The following NRXN3 variants were observed in gnomAD, a reference collection of about 807,000 sequenced individuals.
The protein encoded by NRXN3 is neurexin III.
In NRXN3, 32 loss-of-function variants were observed where a neutral mutation model predicts 137.6. That is an observed-to-expected ratio of 0.23 (90% confidence interval 0.18 to 0.31). The LOEUF (loss-of-function observed/expected upper bound fraction) is 0.31, where lower values mean the gene tolerates loss of function less well. NRXN3 is among the 10% of genes least tolerant of loss of function. The pLI is 1.00. For synonymous variants in NRXN3, 798 were observed against 784.5 expected, an observed-to-expected ratio of 1.02 and a Z score of -0.29; for missense variants, 1,574 against 2,062.5, an observed-to-expected ratio of 0.76 and a Z score of 4.59.
chr14:78,523,806 G>A (rs1482939981), intron 4 of NRXN3, among the ~76,000 whole-genome samples: 2 of 79,956 alleles, frequency 2.5e-5, no homozygotes, highest in Admixed American at 1.4e-4. Flanking sequence ...GACAGAGCAA[G>A]ACTCTGTCTC....
chr14:79,504,559 T>A (rs1329255122), intron 16 of NRXN3, among the ~76,000 whole-genome samples: 1 of 150,114 alleles, frequency 6.7e-6, no homozygotes, highest in Non-Finnish European at 1.5e-5. Context: ...CTGTAATATT[T>A]TAGCCCTGAT....
chr14:78,609,061 G>C (rs2097277082), intron 4 of NRXN3, among the ~76,000 whole-genome samples: 1 of 152,068 alleles, frequency 6.6e-6, no homozygotes, highest in South Asian at 2.1e-4. Context: ...TAGGATTCAG[G>C]GCACAGCTGG....
rs2076851404 is a variant in NRXN3 at position 79,257,472 on chromosome 14, A to ATGG, written c.3263-209743_3263-209741dup. On this transcript the variant is annotated intron_variant, in intron 15 of 20. Transcript: ENST00000335750. ...GATGGTGGTGGTGGTGGTGGTGGTG[A>ATGG]TGGTGGTGATGGTGGTGATGGTGGT... Among the ~76,000 whole-genome samples, 14 of 11,734 alleles carry ATGG rather than the reference A, an allele frequency of 1.2e-3. 3 individuals carry two copies. Among genetic ancestry groups the ATGG allele is most frequent in the Non-Finnish European group, 1.8e-3 (12 of 6,804 alleles). 7.7% of individuals were successfully genotyped at this position (11,734 alleles called of 152,430 possible).
intron 4 of NRXN3, among the ~76,000 whole-genome samples, chr14:78,516,166 T>G (rs917039716): frequency 6.6e-6 from 1 of 151,804 alleles, no homozygotes; most frequent in Non-Finnish European, 1.5e-5. Context: ...GGCTTCCAGA[T>G]AAAAGTGAGA....
At chr14:79,048,621 GTCTTT>G (rs1193455050) in intron 15 of NRXN3, among the ~76,000 whole-genome samples, 1 of 48,534 alleles carries the variant, frequency 2.1e-5, no homozygotes, top group Non-Finnish European at 4.7e-5. Context: ...GCTTCAGTGA[GTCTTT>G]TTTTTTTTTT....
At chr14:79,635,757 A>G (rs1478242573) in intron 16 of NRXN3, among the ~76,000 whole-genome samples, 1 of 152,184 alleles carries the variant, frequency 6.6e-6, no homozygotes, top group Admixed American at 6.5e-5. Context: ...TTCATAAAGG[A>G]AAGAGGTTTC....
At chr14:78,343,146 A>G (rs1298573721) in intron 4 of NRXN3, among the ~76,000 whole-genome samples, 1 of 152,190 alleles carries the variant, frequency 6.6e-6, no homozygotes, top group African/African-American at 2.4e-5. Flanking sequence ...GAGAACCATG[A>G]GTATAATGAA....
At chr14:78,956,182 ATAT>A (rs2099396495) in intron 10 of NRXN3, among the ~76,000 whole-genome samples, 1 of 152,178 alleles carries the variant, frequency 6.6e-6, no homozygotes, top group Admixed American at 6.5e-5. Context: ...TAATCCAAAA[ATAT>A]TTAATCAGCG....
At chr14:79,474,637 T>C (rs1275379797) in intron 16 of NRXN3, among the ~76,000 whole-genome samples, 1 of 152,090 alleles carries the variant, frequency 6.6e-6, no homozygotes, top group Non-Finnish European at 1.5e-5. Flanking sequence ...TGTGTCTCTA[T>C]CCCTGTTACA....
At chr14:78,253,155 G>C (rs891432055) in intron 2 of NRXN3, among the ~76,000 whole-genome samples, 2 of 152,224 alleles carry the variant, frequency 1.3e-5, no homozygotes, top group Non-Finnish European at 2.9e-5. Context: ...CTGGAGTTTA[G>C]GCAGAGGTGT....
chr14:79,247,378 G>A (rs913848717), intron 15 of NRXN3: 1 of 152,102 alleles, frequency 6.6e-6, no homozygotes, highest in South Asian at 2.1e-4. Context: ...GTGAAAATTA[G>A]CAAAATATGC....
At chr14:79,657,949 C>T (rs1211263895) in intron 16 of NRXN3, among the ~76,000 whole-genome samples, 1 of 152,138 alleles carries the variant, frequency 6.6e-6, no homozygotes, top group African/African-American at 2.4e-5. Context: ...ACCACACATT[C>T]TAATTCATCA....
chr14:78,701,873 G>A (rs900578005), intron 6 of NRXN3, among the ~76,000 whole-genome samples: 2 of 152,142 alleles, frequency 1.3e-5, no homozygotes, highest in African/African-American at 4.8e-5. Flanking sequence ...TAGTGTTTTT[G>A]TCTTTGGCAG....
At chr14:79,294,462 G>A (rs556590899) in intron 15 of NRXN3, among the ~76,000 whole-genome samples, 3 of 152,116 alleles carry the variant, frequency 2.0e-5, no homozygotes, top group Admixed American at 6.5e-5. Flanking sequence ...GAAAATTCAC[G>A]GTAATTATTT....
intron 19 of NRXN3, among the ~76,000 whole-genome samples, chr14:79,757,768 G>A (rs1266262917): frequency 1.3e-5 from 2 of 151,998 alleles, no homozygotes; most frequent in Non-Finnish European, 2.9e-5. Context: ...GTGAGATGAA[G>A]GATTAAAATC....
Position 78,709,748 on chromosome 14 carries a change from G to A in NRXN3, c.1660+93G>A. 3 of 1,144,872 alleles carry A rather than the reference G, an allele frequency of 2.6e-6. No homozygotes were observed. In the South Asian group the frequency reaches 4.5e-5, roughly 17 times the overall value. 70.9% of individuals were successfully genotyped at this position (1,144,872 alleles called of 1,614,324 possible). A position where few individuals can be genotyped will look rare whatever the true frequency, so the allele number is the denominator to read the frequency against. Reference sequence around the variant, plus strand: ...TTTATGTTTCTTAATTTTCACCCTTGCATGCTTGTTGATTCTTTTGCTACT... The same window carrying A: ...TTTATGTTTCTTAATTTTCACCCTTACATGCTTGTTGATTCTTTTGCTACT... On this transcript the variant is annotated intron_variant, in intron 7 of 20. Coordinates refer to ENST00000335750, the MANE Select transcript of NRXN3 (RefSeq NM_001330195.2).
chr14:79,343,962 G>A lies in NRXN3; in HGVS notation c.3263-123259G>A, dbSNP rs549232555. On this transcript the variant is annotated intron_variant, in intron 15 of 20. Transcript: ENST00000335750. ...CCTGAAAAAATCACTTTTGCCAGAGGGATAGCTGATTTAGTTAGTGCATGT... is the reference window on the plus strand; with the variant it reads ...CCTGAAAAAATCACTTTTGCCAGAGAGATAGCTGATTTAGTTAGTGCATGT... 3.4e-4 allele frequency among the ~76,000 whole-genome samples: 51 copies of A among 152,158 alleles called. 1 individual carries two copies. In the South Asian group the frequency reaches 6.4e-3, roughly 19 times the overall value.
At chr14:78,399,938 A>G (rs190781123) in intron 4 of NRXN3, among the ~76,000 whole-genome samples, 1 of 152,328 alleles carries the variant, frequency 6.6e-6, no homozygotes, top group Non-Finnish European at 1.5e-5. Context: ...AGAATTAGCT[A>G]TGTAACTAGG....
At chr14:78,386,244 C>T (rs2089966195) in intron 4 of NRXN3, among the ~76,000 whole-genome samples, 1 of 152,062 alleles carries the variant, frequency 6.6e-6, no homozygotes, top group Non-Finnish European at 1.5e-5. Context: ...CTTTTTCTTC[C>T]TCTTTCTCTC....
Sources: allele counts gnomAD v4.1 joint callset (sites outside exome capture counted in the v4.1 genomes callset), GRCh38; gene constraint gnomAD v4.1.1; transcripts MANE v1.5; gene names NCBI Gene and HGNC (gene_info 2026-07-23, HGNC 2026-07-21).